The following PARD3B variants were observed in gnomAD, a reference collection of about 807,000 sequenced individuals.
PARD3B encodes the protein partitioning defective 3 homolog B.
Under a neutral mutation model 130.2 loss-of-function variants are expected in PARD3B, and 103 were observed. The observed-to-expected ratio is 0.79, with a 90% confidence interval of 0.67 to 0.93. PARD3B has a LOEUF of 0.93. PARD3B is among the 40% of genes least tolerant of loss of function. PARD3B has a pLI of 0.00. For missense variants in PARD3B, 1,609 were observed against 1,499.2 expected (o/e 1.07, Z -1.21); for synonymous variants, 583 against 553.2 (o/e 1.05, Z -0.76).
intron 3 of PARD3B, among the ~76,000 whole-genome samples, chr2:204,998,041 A>G (rs1023938777): frequency 6.7e-6 from 1 of 149,640 alleles, no homozygotes; most frequent in Non-Finnish European, 1.5e-5. Flanking sequence ...TATTAAGGTT[A>G]TGAATAAGAT....
intron 2 of PARD3B, among the ~76,000 whole-genome samples, chr2:204,956,875 C>G (rs894917636): frequency 2.0e-5 from 3 of 152,064 alleles, no homozygotes; most frequent in South Asian, 4.1e-4. Context: ...GAAACTTCTC[C>G]CTGCTTTTGT....
intron 11 of PARD3B, among the ~76,000 whole-genome samples, chr2:205,165,305 T>C (rs2034744123): frequency 1.3e-5 from 2 of 152,182 alleles, no homozygotes; most frequent in African/African-American, 4.8e-5. Flanking sequence ...AGAATATTTC[T>C]GATGGTTTGA....
chr2:205,443,269 A>C (rs1187749097), intron 20 of PARD3B, among the ~76,000 whole-genome samples: 3 of 152,178 alleles, frequency 2.0e-5, no homozygotes, highest in Non-Finnish European at 4.4e-5. Flanking sequence ...GGAACCTACA[A>C]ATTCTAAACA....
chr2:205,077,109 T>C (rs1701114713), intron 4 of PARD3B, among the ~76,000 whole-genome samples: 1 of 152,118 alleles, frequency 6.6e-6, no homozygotes. Context: ...TTTGTCTATA[T>C]ATAGATATAA....
intron 20 of PARD3B, among the ~76,000 whole-genome samples, 153 bp from the exon 21 acceptor site, chr2:205,499,743 T>C (rs1575172861): frequency 6.6e-6 from 1 of 152,342 alleles, no homozygotes; most frequent in East Asian, 1.9e-4. Flanking sequence ...TTTGTTCATA[T>C]TTATGACTGA....
At chr2:205,329,081 C>T (rs2043026960) in intron 18 of PARD3B, among the ~76,000 whole-genome samples, 1 of 152,126 alleles carries the variant, frequency 6.6e-6, no homozygotes, top group Non-Finnish European at 1.5e-5. Flanking sequence ...TCTGGCATGC[C>T]ATTCATTCAT....
chr2:204,676,743 C>T (rs1393239240), intron 1 of PARD3B, among the ~76,000 whole-genome samples: 1 of 149,016 alleles, frequency 6.7e-6, no homozygotes, highest in African/African-American at 2.5e-5. Flanking sequence ...AATCTCGGCT[C>T]ACTGCAACCT....
chr2:204,809,224 G>A (rs1208193739), intron 2 of PARD3B, among the ~76,000 whole-genome samples: 1 of 152,024 alleles, frequency 6.6e-6, no homozygotes, highest in Non-Finnish European at 1.5e-5. Flanking sequence ...CATTCTGCAG[G>A]TTGTCTGTTT....
At chr2:204,704,905 C>A (rs1164134991) in intron 2 of PARD3B, among the ~76,000 whole-genome samples, 2 of 150,272 alleles carry the variant, frequency 1.3e-5, no homozygotes, top group African/African-American at 2.5e-5. Flanking sequence ...AGGCACATTT[C>A]ATCACCAGAG....
chr2:205,184,321 T>A (rs946076806), intron 13 of PARD3B, among the ~76,000 whole-genome samples: 1 of 152,196 alleles, frequency 6.6e-6, no homozygotes, highest in African/African-American at 2.4e-5. Context: ...ATTCTGTCAT[T>A]CAGGGACAAA....
At chr2:205,453,556 G>T (rs1265852047) in intron 20 of PARD3B, among the ~76,000 whole-genome samples, 1 of 152,160 alleles carries the variant, frequency 6.6e-6, no homozygotes, top group Non-Finnish European at 1.5e-5. Flanking sequence ...TAGAGGCTCT[G>T]AGAAATTATG....
chr2:205,286,225 G>A (rs550317247), intron 16 of PARD3B, among the ~76,000 whole-genome samples: 1 of 152,008 alleles, frequency 6.6e-6, no homozygotes, highest in Non-Finnish European at 1.5e-5. Flanking sequence ...ACTTAGACAA[G>A]TTACTTTATC....
chr2:204,593,497 C>G (rs2033158297), intron 1 of PARD3B, among the ~76,000 whole-genome samples: 1 of 152,160 alleles, frequency 6.6e-6, no homozygotes, highest in Non-Finnish European at 1.5e-5. Context: ...TTCCAAGGGG[C>G]AAATTTTCGA....
chr2:205,094,263 C>T (rs189745715), intron 4 of PARD3B, among the ~76,000 whole-genome samples: 25 of 152,102 alleles, frequency 1.6e-4, no homozygotes, highest in African/African-American at 5.5e-4. Context: ...AAGTGAATGG[C>T]GAAATGATTG....
chr2:205,099,331 G>A (rs1702596311), intron 4 of PARD3B, among the ~76,000 whole-genome samples: 1 of 152,150 alleles, frequency 6.6e-6, no homozygotes, highest in Admixed American at 6.6e-5. Flanking sequence ...ACATAAAGCT[G>A]AAGAAATATG....
chr2:204,589,115 T>C (rs1278294146), intron 1 of PARD3B, among the ~76,000 whole-genome samples: 3 of 152,304 alleles, frequency 2.0e-5, no homozygotes, highest in Non-Finnish European at 4.4e-5. Flanking sequence ...AGGACAGTAC[T>C]GTCTCCCTCA....
intron 2 of PARD3B, among the ~76,000 whole-genome samples, chr2:204,876,543 G>A (rs2125658863): frequency 6.6e-6 from 1 of 152,316 alleles, no homozygotes; most frequent in Middle Eastern, 3.4e-3. Context: ...GGCCTAACAA[G>A]TAAGATGCGA....
intron 2 of PARD3B, among the ~76,000 whole-genome samples, chr2:204,895,534 C>T (rs534351182): frequency 6.6e-6 from 1 of 152,098 alleles, no homozygotes; most frequent in South Asian, 2.1e-4. Context: ...AACATTTATA[C>T]TATCACATAT....
chr2:205,156,252 G>A (rs952834358), intron 10 of PARD3B, among the ~76,000 whole-genome samples: 3 of 122,208 alleles, frequency 2.5e-5, no homozygotes, highest in Admixed American at 1.6e-4. Flanking sequence ...TCACACTCTG[G>A]GGACTGTTGT....
Sources: gnomAD v4.1 joint callset for allele counts (sites outside exome capture counted in the v4.1 genomes callset) on GRCh38, gnomAD v4.1.1 for gene constraint, MANE v1.5 for transcripts, NCBI Gene and HGNC (gene_info 2026-07-23, HGNC 2026-07-21) for gene names.